Variants in WDR59 observed in about 807,000 individuals in gnomAD.
The protein encoded by WDR59 is GATOR2 complex protein WDR59.
In WDR59, 100 loss-of-function variants were observed where a neutral mutation model predicts 131.2. The observed-to-expected ratio is 0.76, with a 90% CI of 0.65 to 0.90. The LOEUF (loss-of-function observed/expected upper bound fraction) is 0.90, where lower values mean the gene tolerates loss of function less well. Ranked by LOEUF, WDR59 falls within the 40% of genes least tolerant of loss-of-function variation. WDR59 has a pLI of 0.00. For missense variants in WDR59, 1,203 were observed against 1,262.2 expected (o/e 0.95, Z 0.71); for synonymous variants, 601 against 466.2 (o/e 1.29, Z -3.72).
intron 2 of WDR59, among the ~76,000 whole-genome samples, chr16:74,958,073 T>C (rs1454149175): frequency 6.6e-6 from 1 of 152,080 alleles, no homozygotes; most frequent in Non-Finnish European, 1.5e-5. Flanking sequence ...GCTATACATG[T>C]GAGGTGAGTA....
intron 21 of WDR59, among the ~76,000 whole-genome samples, chr16:74,889,199 T>C (rs188181127): frequency 1.2e-4 from 19 of 152,360 alleles, no homozygotes; most frequent in Admixed American, 2.0e-4. Context: ...TGGTTTTACT[T>C]GGTGTTAAAT....
intron 13 of WDR59, 133 bp from the exon 14 acceptor site, chr16:74,912,495 T>A: frequency 1.1e-6 from 1 of 914,572 alleles, no homozygotes; most frequent in Non-Finnish European, 1.5e-6. Context: ...CAAATGTGTG[T>A]GGAAGACAAT....
At chr16:74,899,786 G>C in intron 18 of WDR59, 1 of 1,283,210 alleles carries the variant, frequency 7.8e-7, no homozygotes, top group Non-Finnish European at 1.0e-6. Flanking sequence ...CCAGGAGGAG[G>C]GAAGAAAAAC....
At chr16:74,923,436 G>A (rs988504547) in intron 9 of WDR59, among the ~76,000 whole-genome samples, 1 of 151,924 alleles carries the variant, frequency 6.6e-6, no homozygotes, top group Admixed American at 6.6e-5. Context: ...CAGCAATTCT[G>A]ATGTAGATAC....
intron 5 of WDR59, among the ~76,000 whole-genome samples, chr16:74,949,111 G>T (rs777617443): frequency 4.9e-4 from 74 of 151,974 alleles, no homozygotes; most frequent in Non-Finnish European, 6.5e-4. Context: ...CTTGAGGCCA[G>T]GAGTTTGAGA....
At chr16:74,933,008 C>T (rs1393002407) in intron 8 of WDR59, among the ~76,000 whole-genome samples, 1 of 151,962 alleles carries the variant, frequency 6.6e-6, no homozygotes, top group African/African-American at 2.4e-5. Flanking sequence ...CAAAGCTGGC[C>T]AAATGTTATG....
At chr16:74,900,338 G>T (rs1401682851) in intron 18 of WDR59, among the ~76,000 whole-genome samples, 1 of 152,086 alleles carries the variant, frequency 6.6e-6, no homozygotes, top group Non-Finnish European at 1.5e-5. Context: ...ACGGGGGGAA[G>T]GAAGGGGCTA....
intron 25 of WDR59, among the ~76,000 whole-genome samples, chr16:74,875,396 C>T (rs1197517991): frequency 6.6e-6 from 1 of 152,168 alleles, no homozygotes; most frequent in Non-Finnish European, 1.5e-5. Context: ...TCCAGACTGA[C>T]CTTTCTGCTG....
At position 74,984,579 on chromosome 16, in the gene WDR59, A is replaced by G. The variant is rs374744153; in HGVS notation, c.54+385T>C. ...ACAGGGTTACGTCCACGCAGCTGAG[A>G]CTTAGAAAAGTCCCGCGACTTGCCT... On this transcript the variant is annotated intron_variant, in intron 1 of 25. Transcript: ENST00000262144. 2.3e-3 allele frequency: 643 copies of G among 279,114 alleles called. 1 individual carries two copies. The highest frequency in any genetic ancestry group is 0.013 in the African/African-American group (603 of 46,284). The allele number at this position is 279,114 out of a possible 1,614,324, so 17.3% of individuals were successfully genotyped here.
intron 17 of WDR59, chr16:74,904,448 C>T (rs568892718): frequency 2.0e-5 from 4 of 198,198 alleles, no homozygotes; most frequent in Non-Finnish European, 4.1e-5. Context: ...CATTAAAACA[C>T]GTCAAATACC....
At chr16:74,878,122 T>C (rs1481842117) in intron 25 of WDR59, among the ~76,000 whole-genome samples, 1 of 152,232 alleles carries the variant, frequency 6.6e-6, no homozygotes, top group Non-Finnish European at 1.5e-5. Flanking sequence ...GTATTCTCTA[T>C]ACTTTTAATT....
intron 13 of WDR59, among the ~76,000 whole-genome samples, chr16:74,913,752 A>T (rs1305100430): frequency 6.6e-6 from 1 of 152,170 alleles, no homozygotes. Flanking sequence ...AAGAAAGTAG[A>T]TTCGGGATTG....
At chr16:74,897,454 C>G (rs151274626) in intron 18 of WDR59, among the ~76,000 whole-genome samples, 1 of 152,226 alleles carries the variant, frequency 6.6e-6, no homozygotes, top group African/African-American at 2.4e-5. Flanking sequence ...GTGACCCATC[C>G]ATACTTGATG....
At chr16:74,973,313 G>C (rs1354824102) in intron 1 of WDR59, among the ~76,000 whole-genome samples, 1 of 120,698 alleles carries the variant, frequency 8.3e-6, no homozygotes, top group Admixed American at 8.3e-5. Context: ...GATTGGGGTT[G>C]GCGGGGGGGC....
At chr16:74,968,542 G>A (rs1390672801) in intron 1 of WDR59, among the ~76,000 whole-genome samples, 1 of 152,048 alleles carries the variant, frequency 6.6e-6, no homozygotes, top group Non-Finnish European at 1.5e-5. Context: ...CCAACATGGC[G>A]AAACCCCATT....
At chr16:74,958,857 G>C (rs1440952254) in intron 2 of WDR59, among the ~76,000 whole-genome samples, 1 of 151,072 alleles carries the variant, frequency 6.6e-6, no homozygotes, top group Non-Finnish European at 1.5e-5. Context: ...GAGGTCAGGA[G>C]TTCGAGACTA....
chr16:74,964,883 T>A (rs1414032991), intron 2 of WDR59, among the ~76,000 whole-genome samples: 2 of 151,956 alleles, frequency 1.3e-5, no homozygotes, highest in Admixed American at 6.6e-5. Context: ...GCCAACATGG[T>A]GAAACCCTGT....
intron 10 of WDR59, among the ~76,000 whole-genome samples, chr16:74,920,534 G>C (rs1298386958): frequency 6.6e-6 from 1 of 152,126 alleles, no homozygotes; most frequent in Non-Finnish European, 1.5e-5. Context: ...CGAAGTAGCT[G>C]GGACTACAGG....
chr16:74,877,210 A>G (rs1964256377), intron 25 of WDR59, among the ~76,000 whole-genome samples: 1 of 152,132 alleles, frequency 6.6e-6, no homozygotes, highest in Non-Finnish European at 1.5e-5. Context: ...AAAAGATTTA[A>G]ATTTGCTGGT....
Sources: allele counts gnomAD v4.1 joint callset (sites outside exome capture counted in the v4.1 genomes callset), GRCh38; gene constraint gnomAD v4.1.1; transcripts MANE v1.5; gene names NCBI Gene and HGNC (gene_info 2026-07-23, HGNC 2026-07-21).